Variants in CCNY observed in about 807,000 individuals in gnomAD.
CCNY encodes cyclin-Y.
In CCNY, 19 loss-of-function variants were observed where a neutral mutation model predicts 42.8. The observed-to-expected ratio is 0.44, with a 90% confidence interval of 0.31 to 0.65. The LOEUF is 0.65. CCNY is among the 30% of genes least tolerant of loss of function. The pLI is 0.07. For synonymous variants in CCNY, 165 were observed against 162.7 expected, an observed-to-expected ratio of 1.01 and a Z score of -0.11; for missense variants, 370 against 437.3, an observed-to-expected ratio of 0.85 and a Z score of 1.37.
intron 1 of CCNY, among the ~76,000 whole-genome samples, chr10:35,430,090 C>A (rs1410341926): frequency 6.6e-6 from 1 of 151,952 alleles, no homozygotes; most frequent in Non-Finnish European, 1.5e-5. Context: ...GTAATCCCAG[C>A]ACTTTGGGAG....
chr10:35,326,777 T>C (rs757384850), intron 3 of CCNY, among the ~76,000 whole-genome samples: 1 of 152,158 alleles, frequency 6.6e-6, no homozygotes, highest in Middle Eastern at 3.2e-3. Flanking sequence ...TAGTCCCAGA[T>C]ACTAGAGAGG....
intron 2 of CCNY, among the ~76,000 whole-genome samples, chr10:35,492,761 A>G (rs1312121915): frequency 6.6e-6 from 1 of 152,236 alleles, no homozygotes; most frequent in African/African-American, 2.4e-5. Flanking sequence ...GCACGGTGGC[A>G]GTCTTCCCTG....
At chr10:35,355,845 C>G (rs1016218089) in intron 1 of CCNY, among the ~76,000 whole-genome samples, 3 of 151,824 alleles carry the variant, frequency 2.0e-5, no homozygotes, top group South Asian at 4.2e-4. Flanking sequence ...CTTATAAATT[C>G]CAGGTTTAAC....
intron 2 of CCNY, among the ~76,000 whole-genome samples, chr10:35,494,426 C>T (rs1345609342): frequency 6.6e-6 from 1 of 152,092 alleles, no homozygotes; most frequent in Non-Finnish European, 1.5e-5. Context: ...ATAACGTCAC[C>T]TCCACCATGT....
Position 35,516,576 on chromosome 10 carries a change from A to G in CCNY, c.318A>G (p.Leu106=). The G allele has an allele frequency of 1.2e-6, 2 of 1,609,234 alleles. No homozygotes were observed. The highest frequency in any genetic ancestry group is 2.2e-5 in the South Asian group (2 of 90,948). The change falls in exon 4 of 10, where the codon CTA becomes CTG. Residue 106 remains leucine (L), a synonymous_variant. Coordinates refer to ENST00000374704, the MANE Select transcript of CCNY (RefSeq NM_145012.6). ...ACAGTTCCTGCTCCACCATTTTCCT[A>G]GATGATAGCACAGTCAGTCAACCAA... is the stretch of plus-strand genomic sequence containing the variant. ...RKYSSCSTIF[L]DDSTVSQPNL...
intron 1 of CCNY, among the ~76,000 whole-genome samples, chr10:35,408,108 T>C (rs1299893343): frequency 6.6e-6 from 1 of 151,806 alleles, no homozygotes; most frequent in Non-Finnish European, 1.5e-5. Flanking sequence ...GGTTGAGGGA[T>C]AGTGAGAGAG....
chr10:35,392,502 G>A (rs1837435925), intron 1 of CCNY, among the ~76,000 whole-genome samples: 1 of 152,200 alleles, frequency 6.6e-6, no homozygotes, highest in Non-Finnish European at 1.5e-5. Context: ...AGTCCTGCTG[G>A]GGTATCTGAG....
intron 4 of CCNY, among the ~76,000 whole-genome samples, chr10:35,517,678 G>A (rs868480462): frequency 5.9e-5 from 9 of 152,172 alleles, no homozygotes; most frequent in African/African-American, 1.7e-4. Context: ...GTCAGGTTCC[G>A]TGCTTCCAGG....
intron 1 of CCNY, among the ~76,000 whole-genome samples, chr10:35,345,320 T>C (rs1381557103): frequency 6.6e-6 from 1 of 152,108 alleles, no homozygotes; most frequent in Non-Finnish European, 1.5e-5. Context: ...TTTTAAAAAA[T>C]TAGCTGGGTG....
chr10:35,318,833 G>A (rs1828669393), intron 3 of CCNY, among the ~76,000 whole-genome samples: 1 of 151,974 alleles, frequency 6.6e-6, no homozygotes, highest in Non-Finnish European at 1.5e-5. Flanking sequence ...CAAGTAAAAG[G>A]AAGGAAATAA....
rs1409086705 is a variant in CCNY at position 35,571,683 on chromosome 10, G to T, written c.*2513G>T. ...TTCTTCTCTGATTTGTTCAAAGTTT[G>T]CCAAAAGAAAACACAAAACCAGTAC... On this transcript the variant is annotated 3_prime_UTR_variant, in exon 10 of 10. Coordinates refer to ENST00000374704, the MANE Select transcript of CCNY (RefSeq NM_145012.6). 2.6e-5 allele frequency: 4 copies of T among 152,238 alleles called. No individual in the cohort carries two copies. Among genetic ancestry groups the T allele is most frequent in the African/African-American group, 9.7e-5 (4 of 41,406 alleles). 9.4% of individuals were successfully genotyped at this position (152,238 alleles called of 1,614,324 possible).
chr10:35,450,696 C>CTT (rs112521052), intron 1 of CCNY, among the ~76,000 whole-genome samples: 1 of 144,252 alleles, frequency 6.9e-6, no homozygotes, highest in African/African-American at 2.5e-5. Context: ...GGAGATTTTT[C>CTT]TTTTTTTTTT....
chr10:35,516,456 G>C, intron 3 of CCNY, 67 bp from the exon 4 acceptor site: 1 of 1,033,392 alleles, frequency 9.7e-7, no homozygotes, highest in Non-Finnish European at 1.5e-6. Context: ...TTAAGCGGGG[G>C]TGATGTTTCT....
intron 3 of CCNY, among the ~76,000 whole-genome samples, chr10:35,303,395 G>A (rs1056936087): frequency 6.6e-6 from 1 of 151,182 alleles, no homozygotes; most frequent in Admixed American, 6.6e-5. Context: ...GATCAGGTTG[G>A]TCTTGAACTC....
At chr10:35,334,059 G>GTAT, upstream of CCNY, among the ~76,000 whole-genome samples, 1 of 92,164 alleles carries the variant, frequency 1.1e-5, no homozygotes, top group Middle Eastern at 0.014. Context: ...GGGGGGCGGG[G>GTAT]CACAAAAATC....
chr10:35,343,649 C>CA (rs1836236715), intron 1 of CCNY, among the ~76,000 whole-genome samples: 1 of 152,150 alleles, frequency 6.6e-6, no homozygotes, highest in Non-Finnish European at 1.5e-5. Context: ...CTCTGCCTCC[C>CA]AAAATGCTGG....
chr10:35,366,159 A>G (rs981800565), intron 1 of CCNY, among the ~76,000 whole-genome samples: 10 of 152,264 alleles, frequency 6.6e-5, no homozygotes, highest in Non-Finnish European at 1.3e-4. Flanking sequence ...GTGCTTCTAA[A>G]TGAGGTGATT....
intron 1 of CCNY, among the ~76,000 whole-genome samples, chr10:35,425,484 C>T (rs373120262): frequency 1.3e-5 from 2 of 152,038 alleles, no homozygotes; most frequent in African/African-American, 2.4e-5. Flanking sequence ...ATTATAACTC[C>T]GTAATAGAAT....
intron 1 of CCNY, among the ~76,000 whole-genome samples, chr10:35,345,420 G>A (rs1429304675): frequency 6.6e-6 from 1 of 150,922 alleles, no homozygotes; most frequent in Non-Finnish European, 1.5e-5. Flanking sequence ...AGTGAACCGA[G>A]GTAGCGCCAC....
Sources: allele counts gnomAD v4.1 joint callset (sites outside exome capture counted in the v4.1 genomes callset), GRCh38; gene constraint gnomAD v4.1.1; transcripts MANE v1.5; gene names NCBI Gene and HGNC (gene_info 2026-07-23, HGNC 2026-07-21).